The following AGFG1 variants were observed in gnomAD, a reference collection of about 807,000 sequenced individuals.
AGFG1 encodes the protein arf-GAP domain and FG repeat-containing protein 1.
In AGFG1, 10 loss-of-function variants were observed where a neutral mutation model predicts 60.6. The ratio of observed to expected loss-of-function variants is 0.16; its 90% confidence interval spans 0.10 to 0.28. The LOEUF (loss-of-function observed/expected upper bound fraction) is 0.28, where lower values mean the gene tolerates loss of function less well. Ranked by LOEUF, AGFG1 falls within the 10% of genes least tolerant of loss-of-function variation. The pLI is 1.00. For synonymous variants in AGFG1, 247 were observed against 242.9 expected (o/e 1.02, Z -0.16); for missense variants, 537 against 676.5 (o/e 0.79, Z 2.29).
chr2:227,560,878 A>G lies in AGFG1; in HGVS notation c.*6383A>G, dbSNP rs961105231. ...TGTTTTCTGCAAAAGTTTATTTTCA[A>G]TGAAGAATACTTGTCCTAATAGCTC... On this transcript the variant is annotated 3_prime_UTR_variant, in exon 13 of 13. Transcript: ENST00000310078. The G allele has an allele frequency of 2.0e-5, 3 of 152,140 alleles. No individual in the cohort carries two copies. The highest frequency in any genetic ancestry group is 2.9e-5 in the Non-Finnish European group (2 of 67,988). 9.4% of individuals were successfully genotyped at this position (152,140 alleles called of 1,614,324 possible). A position where few individuals can be genotyped will look rare whatever the true frequency, so the allele number is the denominator to read the frequency against.
intron 1 of AGFG1, among the ~76,000 whole-genome samples, chr2:227,490,839 C>G (rs953499265): frequency 3.3e-5 from 5 of 152,084 alleles, no homozygotes; most frequent in African/African-American, 1.2e-4. Flanking sequence ...AAGGTAAAGT[C>G]CTTTTAAGGC....
At chr2:227,511,577 T>G (rs1020408239) in intron 2 of AGFG1, among the ~76,000 whole-genome samples, 1 of 152,194 alleles carries the variant, frequency 6.6e-6, no homozygotes, top group African/African-American at 2.4e-5. Context: ...GAATTTATTA[T>G]TTCTACCTAA....
intron 6 of AGFG1, among the ~76,000 whole-genome samples, chr2:227,531,492 G>T (rs1180531411): frequency 6.7e-6 from 1 of 148,454 alleles, no homozygotes; most frequent in Non-Finnish European, 1.5e-5. Context: ...ACAGAGGCAT[G>T]ACACTACTAT....
chr2:227,531,843 C>T (rs921198732), intron 6 of AGFG1, among the ~76,000 whole-genome samples: 3 of 152,018 alleles, frequency 2.0e-5, no homozygotes, highest in Non-Finnish European at 2.9e-5. Flanking sequence ...AAGTAATTTT[C>T]GGGGCAACAA....
chr2:227,500,789 TA>T (rs199535644), intron 2 of AGFG1, among the ~76,000 whole-genome samples: 598 of 151,042 alleles, frequency 4.0e-3, no homozygotes, highest in African/African-American at 9.4e-3. Context: ...TAAATTAAAT[TA>T]AAAAAAAAAT....
intron 4 of AGFG1, among the ~76,000 whole-genome samples, chr2:227,524,437 C>T (rs1000846613): frequency 2.0e-5 from 3 of 152,134 alleles, no homozygotes; most frequent in Non-Finnish European, 4.4e-5. Context: ...AAGTTGCTAC[C>T]TAAAGTTTGT....
At chr2:227,532,566 TA>T (rs756944236) in intron 6 of AGFG1, among the ~76,000 whole-genome samples, 15 of 152,306 alleles carry the variant, frequency 9.8e-5, no homozygotes, top group African/African-American at 2.2e-4. Flanking sequence ...GATCAGTGTA[TA>T]TTTTTTTTAG....
rs752140735 is a variant in AGFG1 at position 227,523,818 on chromosome 2, G to T, written c.433G>T (p.Gly145Trp). The change falls in exon 4 of 13, where the codon GGG becomes TGG. Residue 145 changes from glycine (G) to tryptophan (W), a missense_variant. Physicochemically the swap from Gly to Trp is radical, Grantham distance 184 (BLOSUM62 -2). Around this residue, in one of 4 missense-constraint regions of AGFG1, gnomAD observed 120 missense variants for 198.5 expected, o/e 0.60. Coordinates refer to ENST00000310078, the MANE Select transcript of AGFG1 (RefSeq NM_004504.5). ...GGCATCAGTTCATGCATCTATTTCA[G>T]GGTCCTCTGCCAGTAGCACAAGCAG... is the stretch of plus-strand genomic sequence containing the variant. ...VVASVHASISGSSASSTSSTP... is the reference protein window; with the variant it reads ...VVASVHASISWSSASSTSSTP... 1.2e-6 allele frequency: 2 copies of T among 1,613,860 alleles called. No homozygotes were observed. Among genetic ancestry groups the T allele is most frequent in the Non-Finnish European group, 1.7e-6 (2 of 1,179,924 alleles).
At position 227,551,949 on chromosome 2, in the gene AGFG1, C is replaced by A; in HGVS notation, c.1379-10C>A. On this transcript the variant is annotated splice_polypyrimidine_tract_variant and intron_variant, in intron 10 of 12. Transcript: ENST00000310078. ...TTGTATGTAACTGATCAGCCCTTCT[C>A]TTCTGTCAGCGGCAACCTTTGGCAC... is the stretch of plus-strand genomic sequence containing the variant. 6.2e-7 allele frequency: 1 copy of A among 1,613,494 alleles called. No individual in the cohort carries two copies. Among genetic ancestry groups the A allele is most frequent in the South Asian group, 1.1e-5 (1 of 90,960 alleles).
chr2:227,508,906 A>G (rs1691409462), intron 2 of AGFG1, among the ~76,000 whole-genome samples: 1 of 152,168 alleles, frequency 6.6e-6, no homozygotes, highest in Non-Finnish European at 1.5e-5. Context: ...GATCTTGTAA[A>G]ACAAAAGAAT....
At chr2:227,538,691 C>T (rs1462526177) in intron 10 of AGFG1, among the ~76,000 whole-genome samples, 1 of 152,124 alleles carries the variant, frequency 6.6e-6, no homozygotes, top group African/African-American at 2.4e-5. Flanking sequence ...TAAATCAGAC[C>T]TATTATTTTC....
rs1045015112 is a variant in AGFG1, at chr2:227,560,340, A to G, written c.*5845A>G. 6.6e-6 allele frequency: 1 copy of G among 152,148 alleles called. No individual in the cohort carries two copies. Among genetic ancestry groups the G allele is most frequent in the Non-Finnish European group, 1.5e-5 (1 of 67,980 alleles). 9.4% of individuals were successfully genotyped at this position (152,148 alleles called of 1,614,324 possible). On this transcript the variant is annotated 3_prime_UTR_variant, in exon 13 of 13. Coordinates refer to ENST00000310078, the MANE Select transcript of AGFG1 (RefSeq NM_004504.5). ...TGACTGGAAACTTTATTAATAAAGT[A>G]GACATTATTCTATTTTGAGGCTCAC...
At chr2:227,544,824 TC>T (rs1692596466) in intron 10 of AGFG1, among the ~76,000 whole-genome samples, 2 of 152,198 alleles carry the variant, frequency 1.3e-5, no homozygotes, top group Non-Finnish European at 2.9e-5. Flanking sequence ...TGCTGAGAGA[TC>T]CCCTGTTAGT....
chr2:227,480,685 A>G (rs1286903085), intron 1 of AGFG1, among the ~76,000 whole-genome samples: 1 of 151,998 alleles, frequency 6.6e-6, no homozygotes, highest in Non-Finnish European at 1.5e-5. Flanking sequence ...CTCATACCAG[A>G]ACTTTTCTTC....
intron 1 of AGFG1, among the ~76,000 whole-genome samples, chr2:227,474,176 G>A (rs1284813043): frequency 6.6e-6 from 1 of 152,186 alleles, no homozygotes; most frequent in Non-Finnish European, 1.5e-5. Context: ...AAGGAGTTAA[G>A]CTAGAAAGTT....
chr2:227,503,426 G>A (rs1691217645), intron 2 of AGFG1, among the ~76,000 whole-genome samples: 1 of 152,302 alleles, frequency 6.6e-6, no homozygotes, highest in South Asian at 2.1e-4. Flanking sequence ...GATTGCGTTA[G>A]ATATTCTGGG....
chr2:227,491,533 A>G lies in AGFG1; in HGVS notation c.168-14A>G. 1.3e-6 allele frequency: 2 copies of G among 1,512,398 alleles called. No homozygotes were observed. Among genetic ancestry groups the G allele is most frequent in the Middle Eastern group, 1.9e-4 (1 of 5,356 alleles). 93.7% of individuals were successfully genotyped at this position (1,512,398 alleles called of 1,614,324 possible). On this transcript the variant is annotated splice_polypyrimidine_tract_variant and intron_variant, in intron 1 of 12. Coordinates refer to ENST00000310078, the MANE Select transcript of AGFG1 (RefSeq NM_004504.5). ...TATGTACTAGTAAATTTTGTAAAAT[A>G]TTTTATCTTTTAGGCGAGGATTAAA...
chr2:227,497,283 CTT>C (rs1052986155), intron 2 of AGFG1, among the ~76,000 whole-genome samples: 1 of 151,596 alleles, frequency 6.6e-6, no homozygotes, highest in Non-Finnish European at 1.5e-5. Context: ...GTATAGAACT[CTT>C]AACGTTTCAG....
chr2:227,491,423 G>A (rs1293516422), intron 1 of AGFG1, 124 bp from the exon 2 acceptor site: 5 of 571,320 alleles, frequency 8.8e-6, no homozygotes, highest in East Asian at 3.2e-5. Context: ...AATACTTTGA[G>A]TTTATGGAAT....
Sources: allele counts gnomAD v4.1 joint callset (sites outside exome capture counted in the v4.1 genomes callset), GRCh38; gene constraint gnomAD v4.1.1; regional missense constraint gnomAD v4.1.1; transcripts MANE v1.5; gene names NCBI Gene and HGNC (gene_info 2026-07-23, HGNC 2026-07-21).